The following PDE10A variants were observed in gnomAD, a reference collection of about 807,000 sequenced individuals.
The protein encoded by PDE10A is cAMP and cAMP-inhibited cGMP 3',5'-cyclic phosphodiesterase 10A.
PDE10A carries 39 observed loss-of-function variants against 97.7 expected under a neutral mutation model. The ratio of observed to expected loss-of-function variants is 0.40; its 90% confidence interval spans 0.31 to 0.52. The LOEUF (loss-of-function observed/expected upper bound fraction) is 0.52, where lower values mean the gene tolerates loss of function less well. Ranked by LOEUF, PDE10A falls within the 20% of genes least tolerant of loss-of-function variation. The probability of loss-of-function intolerance (pLI) is 0.56; values close to 1 mark genes in which losing one functional copy is unlikely to be tolerated. For missense variants in PDE10A, 731 were observed against 1,047.8 expected (o/e 0.70, Z 4.17); for synonymous variants, 371 against 376.8 (o/e 0.98, Z 0.18).
At chr6:165,487,026 A>C (rs1000597231) in intron 2 of PDE10A, among the ~76,000 whole-genome samples, 3 of 152,232 alleles carry the variant, frequency 2.0e-5, no homozygotes, top group Non-Finnish European at 4.4e-5. Flanking sequence ...CAACCACAAA[A>C]GAACCCCCAA....
intron 17 of PDE10A, among the ~76,000 whole-genome samples, chr6:165,380,206 A>G (rs1435113335): frequency 1.3e-5 from 2 of 152,250 alleles, no homozygotes; most frequent in African/African-American, 2.4e-5. Context: ...GATGCAGTCA[A>G]TTTGCAGATT....
chr6:165,505,341 G>T (rs1781129885), intron 2 of PDE10A, among the ~76,000 whole-genome samples: 1 of 152,052 alleles, frequency 6.6e-6, no homozygotes, highest in African/African-American at 2.4e-5. Context: ...TTTACAAATT[G>T]TTTTCTTTAA....
chr6:165,895,428 G>T (rs1287946004), intron 1 of PDE10A, among the ~76,000 whole-genome samples: 1 of 152,172 alleles, frequency 6.6e-6, no homozygotes, highest in Non-Finnish European at 1.5e-5. Context: ...GGTGAGGAAG[G>T]ATCCTCCGTG....
chr6:165,601,275 C>T (rs1424132397), intron 1 of PDE10A, among the ~76,000 whole-genome samples: 7 of 152,226 alleles, frequency 4.6e-5, no homozygotes, highest in African/African-American at 9.6e-5. Context: ...TTAAACCTCT[C>T]TTTCTTCCCA....
chr6:165,943,578 C>T (rs1562810357), intron 1 of PDE10A, among the ~76,000 whole-genome samples: 1 of 152,176 alleles, frequency 6.6e-6, no homozygotes. Context: ...ACCTGGAGAA[C>T]CTGGTGTTCC....
At chr6:165,735,033 GTAGA>G (rs925637687) in intron 1 of PDE10A, among the ~76,000 whole-genome samples, 1 of 151,346 alleles carries the variant, frequency 6.6e-6, no homozygotes, top group Non-Finnish European at 1.5e-5. Context: ...AGTTAGGTAG[GTAGA>G]TAGATAATAG....
intron 4 of PDE10A, among the ~76,000 whole-genome samples, 164 bp from the exon 5 acceptor site, chr6:165,449,141 T>TCCTTAAGTATCCTTAAG (rs1791087666): frequency 6.6e-6 from 1 of 152,210 alleles, no homozygotes; most frequent in Non-Finnish European, 1.5e-5. Context: ...CTTTACTTAA[T>TCCTTAAGTATCCTTAAG]AGCATAATTA....
At chr6:165,729,837 C>A (rs1035897466) in intron 1 of PDE10A, among the ~76,000 whole-genome samples, 21 of 152,120 alleles carry the variant, frequency 1.4e-4, no homozygotes, top group African/African-American at 5.1e-4. Context: ...AGACTAGCTT[C>A]AGACTTTCAG....
chr6:165,739,784 T>A (rs930969535), intron 1 of PDE10A, among the ~76,000 whole-genome samples: 6 of 152,046 alleles, frequency 3.9e-5, no homozygotes, highest in African/African-American at 1.4e-4. Context: ...AGAAAACACA[T>A]AACCTGCTTA....
intron 2 of PDE10A, among the ~76,000 whole-genome samples, chr6:165,534,104 G>C (rs1224463781): frequency 6.6e-6 from 1 of 151,848 alleles, no homozygotes; most frequent in Non-Finnish European, 1.5e-5. Flanking sequence ...TATGACAAAG[G>C]AGACATTTTA....
intron 19 of PDE10A, among the ~76,000 whole-genome samples, chr6:165,342,704 T>C (rs1055894029): frequency 6.6e-6 from 1 of 152,234 alleles, no homozygotes; most frequent in Non-Finnish European, 1.5e-5. Context: ...GCTTTCTTCA[T>C]AGAGTAGTTT....
intron 1 of PDE10A, among the ~76,000 whole-genome samples, chr6:165,976,479 T>C (rs1185727146): frequency 6.6e-6 from 1 of 152,184 alleles, no homozygotes; most frequent in Non-Finnish European, 1.5e-5. Flanking sequence ...TTGCTAACCC[T>C]TGGGGTAGGG....
intron 1 of PDE10A, among the ~76,000 whole-genome samples, chr6:165,816,020 A>G (rs1434651266): frequency 6.6e-6 from 1 of 151,528 alleles, no homozygotes. Context: ...CGTGATCTCA[A>G]CTCACTGCAA....
At chr6:165,453,834 G>A (rs972136303) in intron 3 of PDE10A, among the ~76,000 whole-genome samples, 2 of 152,178 alleles carry the variant, frequency 1.3e-5, no homozygotes, top group Admixed American at 1.3e-4. Flanking sequence ...ACCTAGAGAA[G>A]CCCTGGGAGC....
chr6:165,603,555 T>G (rs1419294271), intron 1 of PDE10A, among the ~76,000 whole-genome samples: 1 of 152,240 alleles, frequency 6.6e-6, no homozygotes, highest in Non-Finnish European at 1.5e-5. Context: ...TAAGATACAC[T>G]GTTATTTCCT....
intron 1 of PDE10A, among the ~76,000 whole-genome samples, chr6:165,788,518 CAAAAAAAAAA>C (rs56927613): frequency 1.3e-5 from 1 of 74,764 alleles, no homozygotes; most frequent in Admixed American, 1.9e-4. Flanking sequence ...AACTCTGTCT[CAAAAAAAAAA>C]AAAAAAAAAA....
chr6:165,725,395 T>A (rs927158101), intron 1 of PDE10A, among the ~76,000 whole-genome samples: 1 of 152,180 alleles, frequency 6.6e-6, no homozygotes, highest in Admixed American at 6.5e-5. Context: ...GAGGGTGCCA[T>A]GGGGCCAGAG....
At chr6:165,843,299 C>T (rs118063771) in intron 1 of PDE10A, among the ~76,000 whole-genome samples, 3,320 of 152,166 alleles carry the variant, frequency 0.022, 52 homozygotes, top group Non-Finnish European at 0.035. Flanking sequence ...AGAGTGGAAG[C>T]GCAGCAGAGG....
At chr6:165,381,715 T>C (rs1784944902) in intron 17 of PDE10A, among the ~76,000 whole-genome samples, 1 of 148,598 alleles carries the variant, frequency 6.7e-6, no homozygotes, top group African/African-American at 2.5e-5. Flanking sequence ...TCTCCCGACC[T>C]CGTGATCTGC....
Sources: allele counts gnomAD v4.1 joint callset (sites outside exome capture counted in the v4.1 genomes callset), GRCh38; gene constraint gnomAD v4.1.1; transcripts MANE v1.5; gene names NCBI Gene and HGNC (gene_info 2026-07-23, HGNC 2026-07-21).